CFAP47: variants seen among roughly 807,000 people sequenced by gnomAD.
CFAP47 encodes the protein cilia and flagella associated protein 47.
Under a neutral mutation model 148.1 loss-of-function variants are expected in CFAP47, and 29 were observed. That is an observed-to-expected ratio of 0.20 (90% CI 0.15 to 0.27). The LOEUF (loss-of-function observed/expected upper bound fraction) is 0.27, where lower values mean the gene tolerates loss of function less well. Ranked by LOEUF, CFAP47 falls within the 10% of genes least tolerant of loss-of-function variation. The pLI is 1.00. For missense variants in CFAP47, 1,872 were observed against 1,697.5 expected (o/e 1.10, Z -1.81); for synonymous variants, 664 against 577.3 (o/e 1.15, Z -2.15).
chrX:36,290,159 C>G (rs1247257951), intron 51 of CFAP47, among the ~76,000 whole-genome samples: 2 of 111,174 alleles, frequency 1.8e-5, no homozygotes, highest in Non-Finnish European at 3.8e-5. Context: ...AGGCTGATTC[C>G]TTTTCTAGTT....
chrX:36,103,728 T>C (rs1938420798), intron 32 of CFAP47, among the ~76,000 whole-genome samples: 1 of 109,992 alleles, frequency 9.1e-6, no homozygotes, highest in Admixed American at 9.8e-5. Context: ...TTACACTGTG[T>C]ACTTTAATGT....
At position 36,099,852 on chromosome X, in the gene CFAP47, G is replaced by T; in HGVS notation, c.5100G>T (p.Trp1700Cys). 1 of 992,052 alleles carries T rather than the reference G, an allele frequency of 1.0e-6. No individual in the cohort carries two copies. The allele number at this position is 992,052 out of a possible 1,213,427, so 81.8% of individuals were successfully genotyped here. A position where few individuals can be genotyped will look rare whatever the true frequency, so the allele number is the denominator to read the frequency against. Residue 1700 changes from tryptophan (W) to cysteine (C), a missense_variant, in exon 32 of 64, where the codon TGG becomes TGT. Transcript: ENST00000378653. ...SKFEAWSKRA[W>C]TDVFLQIYKV... ...TTGAAGCCTGGAGTAAACGGGCATG[G>T]ACAGATGTATTTCTACAGATATACA... is the stretch of plus-strand genomic sequence containing the variant.
intron 37 of CFAP47, among the ~76,000 whole-genome samples, chrX:36,153,933 G>A (rs750910655): frequency 9.0e-5 from 10 of 111,703 alleles, no homozygotes; most frequent in Admixed American, 4.8e-4. Flanking sequence ...CTCAGGCCCT[G>A]GCATTCTGGG....
intron 29 of CFAP47, among the ~76,000 whole-genome samples, chrX:36,080,016 T>A (rs1937942839): frequency 9.0e-6 from 1 of 111,586 alleles, no homozygotes; most frequent in Non-Finnish European, 1.9e-5. Flanking sequence ...GAGAAAATTT[T>A]TGCAGTATAC....
intron 55 of CFAP47, among the ~76,000 whole-genome samples, chrX:36,309,046 A>G (rs1466650167): frequency 9.0e-6 from 1 of 111,664 alleles, no homozygotes; most frequent in Admixed American, 9.5e-5. Flanking sequence ...ACTACATAAC[A>G]GAATAAGAGG....
At chrX:36,162,933 A>C (rs1336836163) in intron 39 of CFAP47, among the ~76,000 whole-genome samples, 1 of 111,943 alleles carries the variant, frequency 8.9e-6, no homozygotes, top group African/African-American at 3.2e-5. Flanking sequence ...TTATTTCTGA[A>C]ATGTTACCTT....
chrX:36,084,158 G>A (rs1309179273), intron 29 of CFAP47, among the ~76,000 whole-genome samples: 1 of 110,694 alleles, frequency 9.0e-6, no homozygotes. Flanking sequence ...ATTGTTCCAT[G>A]GCAAAATTAT....
At chrX:36,069,933 T>C (rs763513577) in intron 27 of CFAP47, among the ~76,000 whole-genome samples, 6 of 112,258 alleles carry the variant, frequency 5.3e-5, no homozygotes, top group Non-Finnish European at 9.4e-5. Flanking sequence ...TAGTTGAAAG[T>C]GTATAGATGT....
chrX:36,105,297 G>T (rs183306182), intron 33 of CFAP47, among the ~76,000 whole-genome samples: 4 of 111,775 alleles, frequency 3.6e-5, no homozygotes, highest in African/African-American at 1.3e-4. Context: ...GAGACATGTT[G>T]GTGTTCACAG....
intron 21 of CFAP47, among the ~76,000 whole-genome samples, chrX:36,007,682 A>G (rs1936996279): frequency 8.9e-6 from 1 of 112,053 alleles, no homozygotes; most frequent in Admixed American, 9.5e-5. Context: ...CTGTGTAATT[A>G]TAGACCTACT....
intron 51 of CFAP47, among the ~76,000 whole-genome samples, chrX:36,291,442 A>G (rs1192976674): frequency 9.0e-6 from 1 of 111,472 alleles, no homozygotes; most frequent in Admixed American, 9.5e-5. Flanking sequence ...TGAAATCAAC[A>G]TCACAGCTAT....
At chrX:36,255,038 AGGCAGCCTGCAGTG>A (rs1940733684) in intron 49 of CFAP47, among the ~76,000 whole-genome samples, 1 of 111,861 alleles carries the variant, frequency 8.9e-6, no homozygotes, top group African/African-American at 3.2e-5. Context: ...GGAATTTTCA[AGGCAGCCTGCAGTG>A]ATCTACGATC....
rs369720331 is a variant in CFAP47, at chrX:35,967,678, C to T, written c.1660C>T (p.Arg554Cys). The T allele has an allele frequency of 1.4e-4, 169 of 1,207,541 alleles. No individual in the cohort carries two copies. The highest frequency in any genetic ancestry group is 1.7e-4 in the Non-Finnish European group (155 of 894,133). ...GTTTGTGGTCAAAGACTTGGCAAAA[C>T]GCAAGAATTATGCACCTGTAGCAAT... ...GKFVVKDLAK[R>C]KNYAPVAMLQ... The change falls in exon 10 of 64, where the codon CGC becomes TGC. Residue 554 changes from arginine to cysteine, a missense_variant. Arg to Cys is a radical substitution (Grantham distance 180, BLOSUM62 -3). Transcript: ENST00000378653.
chrX:35,920,055 C>A lies in CFAP47; in HGVS notation c.249+7C>A, dbSNP rs750041803. 2 of 1,175,072 alleles carry A rather than the reference C, an allele frequency of 1.7e-6. No individual in the cohort carries two copies. The highest frequency in any genetic ancestry group is 3.9e-5 in the South Asian group (2 of 50,882). On this transcript the variant is annotated splice_region_variant and intron_variant, in intron 1 of 63. Transcript: ENST00000378653. Reference sequence around the variant, plus strand: ...GGAGCCCGTCAAGCCACAGGTGACACACTAAGGGGTGCTGGGAGCGGGACC... The same window carrying A: ...GGAGCCCGTCAAGCCACAGGTGACAAACTAAGGGGTGCTGGGAGCGGGACC...
intron 54 of CFAP47, among the ~76,000 whole-genome samples, chrX:36,305,867 G>A (rs1279347132): frequency 1.8e-5 from 2 of 111,593 alleles, no homozygotes; most frequent in African/African-American, 6.5e-5. Flanking sequence ...GCCAGCCTGA[G>A]ATAAAAATAT....
At chrX:36,355,188 C>G (rs1301912318) in intron 60 of CFAP47, among the ~76,000 whole-genome samples, 1 of 110,909 alleles carries the variant, frequency 9.0e-6, no homozygotes, top group African/African-American at 3.3e-5. Context: ...TCACACCTAT[C>G]ACCATGGCTA....
intron 56 of CFAP47, among the ~76,000 whole-genome samples, chrX:36,313,112 G>A (rs1556010309): frequency 9.0e-6 from 1 of 111,122 alleles, no homozygotes; most frequent in Non-Finnish European, 1.9e-5. Context: ...AAACATGACT[G>A]ATGAGAAGAA....
chrX:36,132,022 A>C (rs867428406), intron 33 of CFAP47, among the ~76,000 whole-genome samples: 2 of 103,500 alleles, frequency 1.9e-5, no homozygotes, highest in African/African-American at 4.3e-5. Flanking sequence ...TTATATCTCA[A>C]TATAACTTTT....
intron 39 of CFAP47, among the ~76,000 whole-genome samples, chrX:36,174,232 G>A: frequency 9.1e-6 from 1 of 109,840 alleles, no homozygotes; most frequent in Non-Finnish European, 1.9e-5. Context: ...ACAGCACACT[G>A]ATGGGTCTTG....
Sources: gnomAD v4.1 joint callset for allele counts (sites outside exome capture counted in the v4.1 genomes callset) on GRCh38, gnomAD v4.1.1 for gene constraint, MANE v1.5 for transcripts, NCBI Gene and HGNC (gene_info 2026-07-23, HGNC 2026-07-21) for gene names.